USH2A: variants seen among roughly 807,000 people sequenced by gnomAD.
USH2A encodes the protein usherin, also known as Usher syndrome 2A (autosomal recessive, mild).
USH2A carries 443 observed loss-of-function variants against 538.9 expected under a neutral mutation model. The ratio of observed to expected loss-of-function variants is 0.82; its 90% CI spans 0.76 to 0.89. The LOEUF is 0.89. Ranked by LOEUF, USH2A falls within the 40% of genes least tolerant of loss-of-function variation. USH2A has a pLI of 0.00. For missense variants in USH2A, 6,633 were observed against 6,324.8 expected, an observed-to-expected ratio of 1.05 and a Z score of -1.65; for synonymous variants, 2,413 against 2,273.5, an observed-to-expected ratio of 1.06 and a Z score of -1.75.
chr1:216,060,117 G>A (rs1171036319), intron 30 of USH2A, among the ~76,000 whole-genome samples: 4 of 151,890 alleles, frequency 2.6e-5, no homozygotes, highest in South Asian at 4.2e-4. Context: ...GCAGGTGAAA[G>A]TATTCCAGTC....
intron 27 of USH2A, among the ~76,000 whole-genome samples, chr1:216,076,381 G>A (rs1381518221): frequency 6.6e-6 from 1 of 151,892 alleles, no homozygotes; most frequent in Non-Finnish European, 1.5e-5. Context: ...ATTCCCTTTG[G>A]GTCTATGGTG....
chr1:215,732,665 C>A (rs901659258), intron 60 of USH2A, among the ~76,000 whole-genome samples: 1 of 149,012 alleles, frequency 6.7e-6, no homozygotes, highest in South Asian at 2.2e-4. Context: ...CCTCAGCCTC[C>A]CGAGTGGCTG....
At position 216,347,809 on chromosome 1, in the gene USH2A, A is replaced by G. The variant is rs550529567; in HGVS notation, c.784+17144T>C. ...TGACCTGTTTTAATCCTCTTTAAAA[A>G]GTAAGTTTAGAGTCAGCTATAGGAT... On this transcript the variant is annotated intron_variant, in intron 4 of 71. Transcript: ENST00000307340. Among the ~76,000 whole-genome samples the G allele has an allele frequency of 3.9e-5, 6 of 152,244 alleles. No individual in the cohort carries two copies. In the East Asian group the frequency reaches 1.2e-3, roughly 29 times the overall value.
intron 11 of USH2A, among the ~76,000 whole-genome samples, chr1:216,254,586 G>C (rs2036225151): frequency 6.6e-6 from 1 of 152,144 alleles, no homozygotes; most frequent in African/African-American, 2.4e-5. Flanking sequence ...GCTGGGCTTG[G>C]AACTCTGAGA....
chr1:216,106,456 TATG>T (rs1489818182), intron 21 of USH2A, among the ~76,000 whole-genome samples: 1 of 151,260 alleles, frequency 6.6e-6, no homozygotes, highest in South Asian at 2.1e-4. Flanking sequence ...ATTGAGATAA[TATG>T]ATATTTTGCT....
intron 38 of USH2A, among the ~76,000 whole-genome samples, chr1:215,918,460 C>T (rs557251504): frequency 3.6e-4 from 54 of 152,092 alleles, no homozygotes; most frequent in Non-Finnish European, 7.8e-4. Context: ...AAGAAAATGA[C>T]TGTCTATGAA....
rs139800038 is a variant in USH2A at position 216,108,130 on chromosome 1, T to A, written c.4628-10917A>T. ...TGAGTTATTATTGGTATTTTTAGCCTAAAACTTTTTTTAGCACTTCTTGTA... is the reference window on the plus strand; with the variant it reads ...TGAGTTATTATTGGTATTTTTAGCCAAAAACTTTTTTTAGCACTTCTTGTA... On this transcript the variant is annotated intron_variant, in intron 21 of 71. Transcript: ENST00000307340. Among the ~76,000 whole-genome samples, 545 of 151,994 alleles carry A rather than the reference T, an allele frequency of 3.6e-3. 6 individuals carry two copies. Among genetic ancestry groups the A allele is most frequent in the African/African-American group, 0.012 (509 of 41,524 alleles).
intron 47 of USH2A, 81 bp downstream of exon 47, chr1:215,837,910 G>T: frequency 4.4e-6 from 5 of 1,141,262 alleles, no homozygotes; most frequent in Non-Finnish European, 6.7e-6. Flanking sequence ...AGATTGTCAT[G>T]GCTGAGAGGA....
At chr1:215,834,523 T>G (rs1663419886) in intron 47 of USH2A, among the ~76,000 whole-genome samples, 1 of 152,122 alleles carries the variant, frequency 6.6e-6, no homozygotes. Context: ...AGTGTTTGCT[T>G]AGTTTTAGGA....
Position 215,724,193 on chromosome 1 carries a change from A to G in USH2A, c.12066+3837T>C, listed in dbSNP as rs559265098. Among the ~76,000 whole-genome samples, 84 of 141,210 alleles carry G rather than the reference A, an allele frequency of 5.9e-4. No individual in the cohort carries two copies. In the Middle Eastern group the frequency reaches 0.018, roughly 30 times the overall value. The allele number at this position is 141,210 out of a possible 152,430, so 92.6% of individuals were successfully genotyped here. ...ATTTTACACACCATAGAATGTAATT[A>G]TATATATGGATATATATAGAATGTG... is the stretch of plus-strand genomic sequence containing the variant. On this transcript the variant is annotated intron_variant, in intron 61 of 71. Coordinates refer to ENST00000307340, the MANE Select transcript of USH2A (RefSeq NM_206933.4).
intron 15 of USH2A, among the ~76,000 whole-genome samples, chr1:216,207,834 G>GGT (rs1397896621): frequency 6.7e-6 from 1 of 149,548 alleles, no homozygotes; most frequent in African/African-American, 2.5e-5. Context: ...ATAATCTTTG[G>GGT]GTTTTTGAGA....
intron 35 of USH2A, among the ~76,000 whole-genome samples, chr1:215,979,901 A>C (rs961747200): frequency 6.6e-6 from 1 of 152,160 alleles, no homozygotes; most frequent in Admixed American, 6.6e-5. Flanking sequence ...CAGTGTGAGG[A>C]TAAGAAGAAA....
intron 61 of USH2A, among the ~76,000 whole-genome samples, chr1:215,694,498 G>A (rs766215881): frequency 1.2e-4 from 19 of 152,150 alleles, no homozygotes; most frequent in Admixed American, 1.2e-3. Flanking sequence ...GCGTGAACCC[G>A]GGAGGCGGAG....
chr1:216,124,639 G>A (rs558044800), intron 21 of USH2A, among the ~76,000 whole-genome samples: 2 of 152,234 alleles, frequency 1.3e-5, no homozygotes, highest in South Asian at 2.1e-4. Context: ...ACCTTACACC[G>A]AGTTTTAAAT....
In USH2A at chr1:216,270,737, T is replaced by A. The variant is rs1254976476; in HGVS notation, c.1971+18543A>T. ...TTTTTTTTTTTTTTAAGAGACAGGG[T>A]CTCACTCTGCTGCCTAGGCTGGAGT... On this transcript the variant is annotated intron_variant, in intron 11 of 71. Transcript: ENST00000307340. Among the ~76,000 whole-genome samples, 6 of 151,460 alleles carry A rather than the reference T, an allele frequency of 4.0e-5. No homozygotes were observed. The East Asian group carries it at 1.2e-3, about 30-fold the overall frequency.
rs142325150 is a variant in USH2A at position 215,635,873 on chromosome 1, T to C, written c.15053-1170A>G. 3.1e-3 allele frequency among the ~76,000 whole-genome samples: 462 copies of C among 150,758 alleles called. 3 individuals carry two copies. Among genetic ancestry groups the C allele is most frequent in the African/African-American group, 0.011 (448 of 40,994 alleles). On this transcript the variant is annotated intron_variant, in intron 69 of 71. Transcript: ENST00000307340. ...CCAGCCAGGCAGGTTTATTAAGTCTTGTGGGGAAGATAGGAGAGAGGCTGA... is the reference window on the plus strand; with the variant it reads ...CCAGCCAGGCAGGTTTATTAAGTCTCGTGGGGAAGATAGGAGAGAGGCTGA...
At chr1:215,982,348 G>A (rs1354071293) in intron 35 of USH2A, among the ~76,000 whole-genome samples, 3 of 152,162 alleles carry the variant, frequency 2.0e-5, no homozygotes, top group Non-Finnish European at 4.4e-5. Context: ...CTTCTAGTAT[G>A]AGTTAAAGTT....
intron 3 of USH2A, among the ~76,000 whole-genome samples, chr1:216,374,719 T>C (rs1466727959): frequency 1.3e-5 from 2 of 152,154 alleles, no homozygotes; most frequent in African/African-American, 2.4e-5. Context: ...AATATGTATT[T>C]CAGTGCTCAA....
intron 14 of USH2A, among the ~76,000 whole-genome samples, chr1:216,228,182 A>C (rs1341660751): frequency 6.6e-6 from 1 of 152,162 alleles, no homozygotes; most frequent in Non-Finnish European, 1.5e-5. Context: ...GGAAGATTTG[A>C]GAAATAGAGA....
Sources: gnomAD v4.1 joint callset for allele counts (sites outside exome capture counted in the v4.1 genomes callset) on GRCh38, gnomAD v4.1.1 for gene constraint, MANE v1.5 for transcripts, NCBI Gene and HGNC (gene_info 2026-07-23, HGNC 2026-07-21) for gene names.